UGT1A5: variants seen among roughly 807,000 people sequenced by gnomAD.
The protein encoded by UGT1A5 is UDP glucuronosyltransferase family 1 member A5, also known as UDP-glucuronosyltransferase 1A5.
UGT1A5 carries 29 observed loss-of-function variants against 40.3 expected under a neutral mutation model. The ratio of observed to expected loss-of-function variants is 0.72; its 90% CI spans 0.54 to 0.98. The LOEUF (loss-of-function observed/expected upper bound fraction) is 0.98, where lower values mean the gene tolerates loss of function less well. UGT1A5 is among the 50% of genes least tolerant of loss of function. UGT1A5 has a pLI of 0.00. For missense variants in UGT1A5, 678 were observed against 677.9 expected, an observed-to-expected ratio of 1.00 and a Z score of 0.00; for synonymous variants, 257 against 262.5, an observed-to-expected ratio of 0.98 and a Z score of 0.20.
At chr2:233,743,813 T>G (rs964815042) in intron 1 of UGT1A5, 1 of 1,367,084 alleles carries the variant, frequency 7.3e-7, no homozygotes, top group South Asian at 1.1e-5. Context: ...GTTCTCAGGG[T>G]TTTTGTCGGG....
intron 1 of UGT1A5, chr2:233,721,745 AATCTAC>A: frequency 2.3e-6 from 1 of 440,284 alleles, no homozygotes; most frequent in Non-Finnish European, 4.5e-6. Flanking sequence ...ATGATGAGAG[AATCTAC>A]ATCTAAATTG....
At chr2:233,730,892 ACTC>A (rs1261196505) in intron 1 of UGT1A5, among the ~76,000 whole-genome samples, 1 of 151,952 alleles carries the variant, frequency 6.6e-6, no homozygotes, top group African/African-American at 2.4e-5. Context: ...AGTGGGATCT[ACTC>A]CTTTACCAAA....
intron 1 of UGT1A5, among the ~76,000 whole-genome samples, chr2:233,722,626 G>A (rs1272001840): frequency 6.6e-6 from 1 of 152,128 alleles, no homozygotes; most frequent in African/African-American, 2.4e-5. Context: ...TCTTAATGAA[G>A]CATTGAGGGC....
At chr2:233,768,767 A>G (rs1699720630) in intron 4 of UGT1A5, among the ~76,000 whole-genome samples, 1 of 151,722 alleles carries the variant, frequency 6.6e-6, no homozygotes, top group South Asian at 2.1e-4. Context: ...ATTTTTTAGT[A>G]GAGAAAGGGT....
intron 1 of UGT1A5, chr2:233,729,169 G>A: frequency 1.2e-6 from 2 of 1,613,744 alleles, no homozygotes; most frequent in Non-Finnish European, 1.7e-6. Flanking sequence ...GCTGGCCACA[G>A]GACTGCTGCT....
At chr2:233,723,367 A>C (rs1057114040) in intron 1 of UGT1A5, among the ~76,000 whole-genome samples, 6 of 125,432 alleles carry the variant, frequency 4.8e-5, no homozygotes, top group Middle Eastern at 3.9e-3. Context: ...ACGTCACCAC[A>C]CCTGGCTAAT....
intron 1 of UGT1A5, chr2:233,729,500 A>G (rs761749165): frequency 6.2e-7 from 1 of 1,614,228 alleles, no homozygotes; most frequent in African/African-American, 1.3e-5. Flanking sequence ...TTGGTCTATC[A>G]TAGGTCTTGT....
At chr2:233,714,888 A>ATCTTTTTTTTTT (rs148944858) in intron 1 of UGT1A5, among the ~76,000 whole-genome samples, 15,215 of 151,802 alleles carry the variant, frequency 0.1, 867 homozygotes, top group East Asian at 0.2. Flanking sequence ...AAATTTTTCT[A>ATCTTTTTTTTTT]TCTTTTGAGA....
At chr2:233,718,766 A>G in intron 1 of UGT1A5, 1 of 1,612,768 alleles carries the variant, frequency 6.2e-7, no homozygotes, top group Non-Finnish European at 8.5e-7. Context: ...GAAGGAAACA[A>G]ATGTAGCAGG....
At chr2:233,715,366 T>G (rs560578565) in intron 1 of UGT1A5, among the ~76,000 whole-genome samples, 1 of 150,042 alleles carries the variant, frequency 6.7e-6, no homozygotes, top group East Asian at 2.0e-4. Flanking sequence ...AGACTTATAT[T>G]TTCTTCACAG....
chr2:233,763,021 T>C (rs1698218577), intron 1 of UGT1A5, among the ~76,000 whole-genome samples: 1 of 152,256 alleles, frequency 6.6e-6, no homozygotes, highest in Non-Finnish European at 1.5e-5. Context: ...TTGCATTATG[T>C]TAGCCATTGT....
chr2:233,743,650 G>A (rs556129739), intron 1 of UGT1A5: 20 of 1,367,276 alleles, frequency 1.5e-5, no homozygotes, highest in Admixed American at 1.9e-5. Context: ...AGCTGAAGAC[G>A]TACTCGAAGG....
At chr2:233,751,023 A>T (rs193102367) in intron 1 of UGT1A5, among the ~76,000 whole-genome samples, 1 of 151,978 alleles carries the variant, frequency 6.6e-6, no homozygotes, top group East Asian at 1.9e-4. Flanking sequence ...TAGTAGATCC[A>T]ATAGCTTGCA....
At chr2:233,744,159 G>A (rs958752952) in intron 1 of UGT1A5, 17 of 293,374 alleles carry the variant, frequency 5.8e-5, no homozygotes, top group African/African-American at 2.9e-4. Context: ...ACCAGGCCCC[G>A]CCCACTCCGG....
rs772185686 is a variant in UGT1A5 at position 233,713,358 on chromosome 2, A to G, written c.367A>G (p.Ile123Val). The G allele has an allele frequency of 1.2e-5, 19 of 1,614,040 alleles. No individual in the cohort carries two copies. The highest frequency in any genetic ancestry group is 1.4e-5 in the Non-Finnish European group (17 of 1,180,040). ...RMAIMNNMSL[I>V]IHRSCVELLH... ...GGCAATTATGAACAATATGTCTTTG[A>G]TCATACATAGGTCTTGTGTGGAGCT... is the stretch of plus-strand genomic sequence containing the variant. Residue 123 changes from isoleucine (I) to valine (V), a missense_variant, in exon 1 of 5, where the codon ATC becomes GTC. By Grantham distance (29) the Ile-to-Val change is conservative. Transcript: ENST00000373414.
intron 1 of UGT1A5, among the ~76,000 whole-genome samples, chr2:233,758,245 A>C (rs1047370626): frequency 6.6e-6 from 1 of 152,214 alleles, no homozygotes; most frequent in African/African-American, 2.4e-5. Flanking sequence ...ATTGCCCACT[A>C]TTCAGATTAG....
At chr2:233,766,327 G>T (rs373926451) in intron 1 of UGT1A5, among the ~76,000 whole-genome samples, 1 of 152,130 alleles carries the variant, frequency 6.6e-6, no homozygotes, top group Admixed American at 6.5e-5. Flanking sequence ...CAAACTCCGC[G>T]TTGTTCTGCT....
chr2:233,758,617 T>TGC (rs1696928480), intron 1 of UGT1A5, among the ~76,000 whole-genome samples: 1 of 152,162 alleles, frequency 6.6e-6, no homozygotes, highest in Non-Finnish European at 1.5e-5. Flanking sequence ...TGCATGTGCA[T>TGC]GCAAAGTACC....
In UGT1A5 at chr2:233,769,600, G is replaced by A. The variant is rs36059993; in HGVS notation, c.1307+1161G>A. 2,963 of 1,612,786 alleles carry A rather than the reference G, an allele frequency of 1.8e-3. 49 individuals are homozygous for A. In the African/African-American group the frequency reaches 0.035, roughly 19 times the overall value. ...GTTCAGATGAGAGGAGACGGAACAC[G>A]GGGACACACCAGCTTGAGCAAGGGA... is the stretch of plus-strand genomic sequence containing the variant. On this transcript the variant is annotated intron_variant, in intron 4 of 4. Transcript: ENST00000373414. The surrounding 1 kb of genome is among the most constrained non-coding windows in gnomAD (Gnocchi z 4.4).
Sources: allele counts gnomAD v4.1 joint callset (sites outside exome capture counted in the v4.1 genomes callset), GRCh38; gene constraint gnomAD v4.1.1; non-coding constraint Gnocchi (gnomAD v3.1); transcripts MANE v1.5; gene names NCBI Gene and HGNC (gene_info 2026-07-23, HGNC 2026-07-21).